The following IVNS1ABP variants were observed in gnomAD, a reference collection of about 807,000 sequenced individuals.
IVNS1ABP encodes influenza virus NS1A-binding protein.
In IVNS1ABP, 25 loss-of-function variants were observed where a neutral mutation model predicts 78.9. The ratio of observed to expected loss-of-function variants is 0.32; its 90% CI spans 0.23 to 0.44. The LOEUF is 0.44. Among genes scored for constraint, IVNS1ABP ranks in the 20% least tolerant of loss-of-function variants. The pLI is 1.00. For synonymous variants in IVNS1ABP, 241 were observed against 259.7 expected (o/e 0.93, Z 0.69); for missense variants, 494 against 768.9 (o/e 0.64, Z 4.23).
chr1:185,314,754 C>A (rs1304003684), intron 1 of IVNS1ABP, among the ~76,000 whole-genome samples: 1 of 152,096 alleles, frequency 6.6e-6, no homozygotes, highest in African/African-American at 2.4e-5. Context: ...AGATATGTGG[C>A]ATCCTTATTA....
At chr1:185,300,892 T>C in intron 10 of IVNS1ABP, 80 bp downstream of exon 10, 1 of 1,079,722 alleles carries the variant, frequency 9.3e-7, no homozygotes, top group Admixed American at 1.9e-5. Context: ...AGATGGCATA[T>C]TAAACCCTCT....
intron 1 of IVNS1ABP, among the ~76,000 whole-genome samples, 175 bp downstream of exon 1, chr1:185,316,762 AGCGCGGGCCCAGCGCG>A (rs1346270269): frequency 6.6e-6 from 1 of 152,144 alleles, no homozygotes; most frequent in Non-Finnish European, 1.5e-5. Context: ...GCAGCGCTGG[AGCGCGGGCCCAGCGCG>A]GCGCGGGCTT....
chr1:185,308,217 A>C (rs1233044895), intron 5 of IVNS1ABP, among the ~76,000 whole-genome samples: 5 of 152,194 alleles, frequency 3.3e-5, no homozygotes, highest in African/African-American at 1.2e-4. Flanking sequence ...TAGTAAAAGC[A>C]TTTTAGGCTT....
At chr1:185,311,399 T>A (rs545070358) in intron 1 of IVNS1ABP, 77 bp from the exon 2 acceptor site, 27 of 389,122 alleles carry the variant, frequency 6.9e-5, no homozygotes, top group Non-Finnish European at 1.1e-4. Context: ...GCAGATCATG[T>A]AAAACAAGTC....
In IVNS1ABP at chr1:185,305,421, C is replaced by A; in HGVS notation, c.765+115G>T. 9.3e-7 allele frequency: 1 copy of A among 1,076,828 alleles called. No homozygotes were observed. Among genetic ancestry groups the A allele is most frequent in the Non-Finnish European group, 1.3e-6 (1 of 748,960 alleles). 66.7% of individuals were successfully genotyped at this position (1,076,828 alleles called of 1,614,324 possible). Reference sequence around the variant, plus strand: ...GTTTTCTCCCAAAAATGTTTCTGTCCAGTTATACCAATGAAATTGGTCCAC... The same window carrying A: ...GTTTTCTCCCAAAAATGTTTCTGTCAAGTTATACCAATGAAATTGGTCCAC... On this transcript the variant is annotated intron_variant, in intron 8 of 14. Transcript: ENST00000367498. This position sits in a 1 kb window ranked among gnomAD's most constrained non-coding sequence, Gnocchi z 4.0.
chr1:185,315,686 C>A (rs1361332678), intron 1 of IVNS1ABP, among the ~76,000 whole-genome samples: 2 of 152,208 alleles, frequency 1.3e-5, no homozygotes, highest in Non-Finnish European at 2.9e-5. Flanking sequence ...TGTCAGCAGG[C>A]TTTAGCCTAA....
chr1:185,299,892 AAAGTC>A lies in IVNS1ABP; in HGVS notation c.1502-14_1502-10del, dbSNP rs756768596. 14 of 1,613,634 alleles carry A rather than the reference AAAGTC, an allele frequency of 8.7e-6. No homozygotes were observed. The highest frequency in any genetic ancestry group is 1.7e-5 in the Admixed American group (1 of 59,892). ...TGCAGACTGGTGTCTCCCTACAAGA[AAAGTC>A]AAGTCAAGATTATTGCTACATCTCC... is the stretch of plus-strand genomic sequence containing the variant. On this transcript the variant is annotated splice_polypyrimidine_tract_variant and intron_variant, in intron 13 of 14. Coordinates refer to ENST00000367498, the MANE Select transcript of IVNS1ABP (RefSeq NM_006469.5).
chr1:185,313,024 A>C (rs530048502), intron 1 of IVNS1ABP, among the ~76,000 whole-genome samples: 19 of 152,218 alleles, frequency 1.2e-4, no homozygotes, highest in Non-Finnish European at 2.5e-4. Context: ...GTACTATTTT[A>C]AACTTTGACC....
rs1018670229 is a variant in IVNS1ABP, at chr1:185,305,145, G to T, written c.765+391C>A. On this transcript the variant is annotated intron_variant, in intron 8 of 14. Transcript: ENST00000367498. The surrounding 1 kb of genome is among the most constrained non-coding windows in gnomAD (Gnocchi z 4.0). Reference sequence around the variant, plus strand: ...CCAGTAAGACAGCTCAGTAGTTAAGGTAACATCCAAAAATTTCTTTCATAG... The same window carrying T: ...CCAGTAAGACAGCTCAGTAGTTAAGTTAACATCCAAAAATTTCTTTCATAG... 4.6e-5 allele frequency among the ~76,000 whole-genome samples: 7 copies of T among 151,916 alleles called. No individual in the cohort carries two copies. The highest frequency in any genetic ancestry group is 1.7e-4 in the African/African-American group (7 of 41,374).
At chr1:185,300,905 T>C in intron 10 of IVNS1ABP, 67 bp downstream of exon 10, 9 of 1,240,446 alleles carry the variant, frequency 7.3e-6, no homozygotes, top group Non-Finnish European at 1.1e-5. Flanking sequence ...AACCCTCTCT[T>C]TGAAAGTTTG....
At chr1:185,310,752 C>T (rs1270617210) in intron 2 of IVNS1ABP, among the ~76,000 whole-genome samples, 1 of 151,832 alleles carries the variant, frequency 6.6e-6, no homozygotes, top group Non-Finnish European at 1.5e-5. Flanking sequence ...GTGGCGCACA[C>T]CTGTAGTCCC....
intron 2 of IVNS1ABP, among the ~76,000 whole-genome samples, chr1:185,310,657 T>C (rs568893350): frequency 2.0e-5 from 3 of 152,164 alleles, no homozygotes; most frequent in African/African-American, 7.2e-5. Context: ...AGAAGATTGC[T>C]TGAGCCCAGG....
At chr1:185,299,969 A>T (rs762711781) in intron 13 of IVNS1ABP, 30 bp downstream of exon 13, 17 of 814,436 alleles carry the variant, frequency 2.1e-5, no homozygotes, top group Admixed American at 3.2e-5. Context: ...GAAGGTCTTT[A>T]AAAAAAAAAA....
chr1:185,306,811 TAA>T (rs1665750665), intron 7 of IVNS1ABP: 3 of 718,402 alleles, frequency 4.2e-6, no homozygotes, highest in Non-Finnish European at 6.3e-6. Flanking sequence ...AGCAAAGAAA[TAA>T]AAAAAGAAAA....
intron 10 of IVNS1ABP, 75 bp downstream of exon 10, chr1:185,300,896 AC>A: frequency 9.1e-7 from 1 of 1,104,278 alleles, no homozygotes; most frequent in Non-Finnish European, 1.4e-6. Flanking sequence ...GGCATATTAA[AC>A]CCTCTCTTTG....
rs1665443008 is a variant in IVNS1ABP, at chr1:185,297,200, T to G, written c.*835A>C. 6.6e-6 allele frequency: 1 copy of G among 152,152 alleles called. No homozygotes were observed. Among genetic ancestry groups the G allele is most frequent in the Admixed American group, 6.6e-5 (1 of 15,258 alleles). The allele number at this position is 152,152 out of a possible 1,614,324, so 9.4% of individuals were successfully genotyped here. ...TAGAAGATAAAACACCATTTTTTAC[T>G]GCTATATAATGTCTTGCTATATAAA... On this transcript the variant is annotated 3_prime_UTR_variant, in exon 15 of 15. Transcript: ENST00000367498.
At position 185,317,115 on chromosome 1, in the gene IVNS1ABP, A is replaced by G. The variant is rs1394963823; in HGVS notation, c.-409T>C. ...GGCCAGTCCGTGGAGACTGAAAGGA[A>G]GGGGGAGCGCCACCGAGAACTCGCG... is the stretch of plus-strand genomic sequence containing the variant. On this transcript the variant is annotated 5_prime_UTR_variant, in exon 1 of 15. Coordinates refer to ENST00000367498, the MANE Select transcript of IVNS1ABP (RefSeq NM_006469.5). 2 of 373,928 alleles carry G rather than the reference A, an allele frequency of 5.3e-6. No homozygotes were observed. Among genetic ancestry groups the G allele is most frequent in the Non-Finnish European group, 9.3e-6 (2 of 215,942 alleles). 23.2% of individuals were successfully genotyped at this position (373,928 alleles called of 1,614,324 possible).
intron 7 of IVNS1ABP, chr1:185,306,473 A>T: frequency 7.8e-7 from 1 of 1,288,966 alleles, no homozygotes; most frequent in Non-Finnish European, 1.0e-6. Flanking sequence ...AATCCTGTAA[A>T]GGAGTAAACA....
rs1283143360 is a variant in IVNS1ABP at position 185,316,912 on chromosome 1, C to T, written c.-247+41G>A. Reference sequence around the variant, plus strand: ...CCTTCTTCTCGGATTCTAGCCGCGCCGTCTCCCTCATCTGTCGTTCGTAGA... The same window carrying T: ...CCTTCTTCTCGGATTCTAGCCGCGCTGTCTCCCTCATCTGTCGTTCGTAGA... On this transcript the variant is annotated intron_variant, in intron 1 of 14. Transcript: ENST00000367498. 17 of 398,152 alleles carry T rather than the reference C, an allele frequency of 4.3e-5. No homozygotes were observed. The Admixed American group carries it at 7.5e-4, about 18-fold the overall frequency. 24.7% of individuals were successfully genotyped at this position (398,152 alleles called of 1,614,324 possible).
Sources: gnomAD v4.1 joint callset for allele counts (sites outside exome capture counted in the v4.1 genomes callset) on GRCh38, gnomAD v4.1.1 for gene constraint, Gnocchi (gnomAD v3.1) non-coding constraint, MANE v1.5 for transcripts, NCBI Gene and HGNC (gene_info 2026-07-23, HGNC 2026-07-21) for gene names.